NELL1: variants seen among roughly 807,000 people sequenced by gnomAD.
The protein encoded by NELL1 is neural EGFL like 1.
A neutral mutation model predicts 107.4 loss-of-function variants in NELL1; 76 were observed. The observed-to-expected ratio is 0.71, with a 90% CI of 0.59 to 0.86. NELL1 has a LOEUF of 0.86. Ranked by LOEUF, NELL1 falls within the 40% of genes least tolerant of loss-of-function variation. NELL1 has a pLI of 0.00. For missense variants in NELL1, 1,024 were observed against 1,005.5 expected (o/e 1.02, Z -0.25); for synonymous variants, 353 against 341.2 (o/e 1.03, Z -0.38).
chr11:20,891,028 C>T (rs1187040783), intron 5 of NELL1, among the ~76,000 whole-genome samples: 5 of 151,984 alleles, frequency 3.3e-5, no homozygotes, highest in African/African-American at 7.3e-5. Flanking sequence ...AGATACTCTA[C>T]GAGAAGATCA....
chr11:21,175,370 T>C (rs1856690475), intron 13 of NELL1, among the ~76,000 whole-genome samples: 2 of 151,830 alleles, frequency 1.3e-5, no homozygotes, highest in African/African-American at 2.4e-5. Context: ...TAGAGCTTGA[T>C]TTTATTGTGA....
At chr11:21,284,594 C>A (rs775874038) in intron 14 of NELL1, 4 of 444,534 alleles carry the variant, frequency 9.0e-6, no homozygotes, top group African/African-American at 8.0e-5. Context: ...AGTTTGATGT[C>A]ATGGTAATGC....
intron 15 of NELL1, among the ~76,000 whole-genome samples, chr11:21,488,738 G>A (rs377541917): frequency 2.6e-5 from 4 of 151,990 alleles, no homozygotes; most frequent in Admixed American, 6.6e-5. Context: ...CCTTTAAAAC[G>A]TGACAATGGG....
intron 5 of NELL1, among the ~76,000 whole-genome samples, chr11:20,912,945 G>T (rs779086761): frequency 1.3e-5 from 2 of 152,120 alleles, no homozygotes; most frequent in African/African-American, 2.4e-5. Context: ...ATATTTCTGT[G>T]CATTAAGACT....
At chr11:21,050,133 C>T (rs1853457001) in intron 12 of NELL1, among the ~76,000 whole-genome samples, 1 of 152,074 alleles carries the variant, frequency 6.6e-6, no homozygotes, top group Non-Finnish European at 1.5e-5. Flanking sequence ...TAATTATCTG[C>T]CTTTGTCAGC....
chr11:21,400,253 C>G (rs1590900804), intron 15 of NELL1, among the ~76,000 whole-genome samples: 2 of 151,872 alleles, frequency 1.3e-5, no homozygotes, highest in South Asian at 4.2e-4. Flanking sequence ...GTTTTCTTAT[C>G]AATTCATTCT....
chr11:20,840,456 A>G (rs1848600506), intron 3 of NELL1, among the ~76,000 whole-genome samples: 1 of 152,194 alleles, frequency 6.6e-6, no homozygotes, highest in Non-Finnish European at 1.5e-5. Flanking sequence ...TTCAGTGAGA[A>G]GAGTGGACAG....
intron 11 of NELL1, among the ~76,000 whole-genome samples, chr11:20,949,116 C>T (rs1851023709): frequency 1.3e-5 from 2 of 152,176 alleles, no homozygotes. Context: ...TGGGTGTGAC[C>T]ATGTTCCAAT....
At chr11:20,690,842 G>A (rs1185403837) in intron 2 of NELL1, among the ~76,000 whole-genome samples, 5 of 150,162 alleles carry the variant, frequency 3.3e-5, no homozygotes, top group African/African-American at 1.2e-4. Context: ...AGCTTGATGG[G>A]GATGGCATTG....
At chr11:21,089,272 T>C (rs927947341) in intron 12 of NELL1, among the ~76,000 whole-genome samples, 1 of 152,248 alleles carries the variant, frequency 6.6e-6, no homozygotes, top group Non-Finnish European at 1.5e-5. Context: ...TTAATTTGTC[T>C]CATTTTTCAT....
At chr11:21,334,321 G>A (rs2133690688) in intron 14 of NELL1, among the ~76,000 whole-genome samples, 1 of 151,992 alleles carries the variant, frequency 6.6e-6, no homozygotes, top group Admixed American at 6.6e-5. Flanking sequence ...GAGCCAATAG[G>A]CAAAATGGAA....
chr11:20,944,089 T>C (rs1468260814), intron 10 of NELL1, among the ~76,000 whole-genome samples: 2 of 152,196 alleles, frequency 1.3e-5, no homozygotes, highest in African/African-American at 2.4e-5. Context: ...TTGTATGCAA[T>C]AAATTAAACT....
chr11:20,961,519 T>G (rs892443586), intron 12 of NELL1, among the ~76,000 whole-genome samples: 1 of 152,204 alleles, frequency 6.6e-6, no homozygotes, highest in Non-Finnish European at 1.5e-5. Context: ...GTCACTTTCC[T>G]CTAAGTGGTC....
intron 5 of NELL1, among the ~76,000 whole-genome samples, chr11:20,914,575 C>G (rs530118817): frequency 6.6e-6 from 1 of 151,994 alleles, no homozygotes; most frequent in African/African-American, 2.4e-5. Context: ...GATGTAAATG[C>G]TGGAGAGGTT....
In NELL1 at chr11:21,226,027, C is replaced by G. The variant is rs897936039; in HGVS notation, c.1427-3305C>G. Among the ~76,000 whole-genome samples the G allele has an allele frequency of 8.5e-5, 13 of 152,188 alleles. 1 individual carries two copies. The South Asian group carries it at 2.5e-3, about 29-fold the overall frequency. ...ACTTTGGAGTTCATACTCTTAACCT[C>G]TATGCCAGTCCGTCTTTCGCAATCA... On this transcript the variant is annotated intron_variant, in intron 13 of 19. Transcript: ENST00000357134.
intron 13 of NELL1, among the ~76,000 whole-genome samples, chr11:21,169,089 A>T (rs997350083): frequency 1.3e-5 from 2 of 151,860 alleles, no homozygotes; most frequent in African/African-American, 4.9e-5. Context: ...TATTCAGTCT[A>T]CCCATCATTC....
intron 12 of NELL1, among the ~76,000 whole-genome samples, chr11:21,109,940 A>G (rs1590645576): frequency 6.6e-6 from 1 of 152,046 alleles, no homozygotes; most frequent in African/African-American, 2.4e-5. Context: ...CCTTTGGCAA[A>G]CGTGTTGCCA....
At chr11:20,927,221 G>A in intron 7 of NELL1, 87 bp from the exon 8 acceptor site, 1 of 1,310,836 alleles carries the variant, frequency 7.6e-7, no homozygotes, top group South Asian at 1.5e-5. Context: ...TCTCTTCTCA[G>A]AAGGATTTTT....
intron 13 of NELL1, among the ~76,000 whole-genome samples, chr11:21,182,440 GAAAA>G (rs201319322): frequency 9.0e-6 from 1 of 111,722 alleles, no homozygotes; most frequent in African/African-American, 3.6e-5. Flanking sequence ...GTCTCAAAAA[GAAAA>G]AAAAAAAAAA....
Sources: allele counts gnomAD v4.1 joint callset (sites outside exome capture counted in the v4.1 genomes callset), GRCh38; gene constraint gnomAD v4.1.1; transcripts MANE v1.5; gene names NCBI Gene and HGNC (gene_info 2026-07-23, HGNC 2026-07-21).